The following RPL32 variants were observed in gnomAD, a reference collection of about 807,000 sequenced individuals.
RPL32 encodes ribosomal protein L32.
For missense variants in RPL32, 117 were observed against 173.7 expected (o/e 0.67, Z 1.83); for synonymous variants, 61 against 62.6 (o/e 0.98, Z 0.12).
chr3:12,838,041 C>T (rs952643017), intron 3 of RPL32, among the ~76,000 whole-genome samples: 14 of 152,236 alleles, frequency 9.2e-5, no homozygotes, highest in African/African-American at 1.2e-4. Flanking sequence ...TTTGGGGCTG[C>T]GGTGTGCCAT....
chr3:12,840,495 G>A (rs894156698), intron 1 of RPL32: 4 of 625,416 alleles, frequency 6.4e-6, no homozygotes, highest in African/African-American at 1.8e-5. Context: ...GCCAACAGCT[G>A]AGCAAATCAA....
rs528758763 is a variant in RPL32, at chr3:12,835,536, G to A, written c.*558C>T. 6.4e-6 allele frequency: 1 copy of A among 156,374 alleles called. No homozygotes were observed. Among genetic ancestry groups the A allele is most frequent in the South Asian group, 1.9e-4 (1 of 5,136 alleles). The allele number at this position is 156,374 out of a possible 1,614,324, so 9.7% of individuals were successfully genotyped here. A position where few individuals can be genotyped will look rare whatever the true frequency, so the allele number is the denominator to read the frequency against. ...ACCTGAAGCAGCAGCTGGTGGGAGG[G>A]TTATAGGAGACTGAAAGTGCTTTTC... is the stretch of plus-strand genomic sequence containing the variant. On this transcript the variant is annotated 3_prime_UTR_variant, in exon 4 of 4. Transcript: ENST00000429711.
At chr3:12,840,054 T>C in intron 2 of RPL32, 88 bp downstream of exon 2, 1 of 1,082,390 alleles carries the variant, frequency 9.2e-7, no homozygotes, top group African/African-American at 1.6e-5. Flanking sequence ...AGTTCATCGG[T>C]CAAAGATAAT....
chr3:12,836,272 T>G, intron 3 of RPL32, 49 bp from the exon 4 acceptor site: 1 of 1,598,230 alleles, frequency 6.3e-7, no homozygotes, highest in Non-Finnish European at 8.5e-7. Context: ...TCAACACACT[T>G]GGAAAATTCC....
chr3:12,837,777 T>TA (rs2062110675), intron 3 of RPL32, among the ~76,000 whole-genome samples: 1 of 152,258 alleles, frequency 6.6e-6, no homozygotes. Context: ...CTTTCTAGTT[T>TA]ACTTAGGAAA....
rs1311182295 is a variant in RPL32 at position 12,839,173 on chromosome 3, G to A, written c.278+176C>T. On this transcript the variant is annotated intron_variant, in intron 3 of 3. Coordinates refer to ENST00000429711, the MANE Select transcript of RPL32 (RefSeq NM_000994.4). ...CCTCCTTCAGCAAAGGAAACACCTTGAATTCCCCAACAAGCATTCTCTAAA... is the reference window on the plus strand; with the variant it reads ...CCTCCTTCAGCAAAGGAAACACCTTAAATTCCCCAACAAGCATTCTCTAAA... 7.8e-6 allele frequency: 5 copies of A among 642,704 alleles called. No homozygotes were observed. In the Admixed American group the frequency reaches 1.2e-4, roughly 15 times the overall value. The allele number at this position is 642,704 out of a possible 1,614,324, so 39.8% of individuals were successfully genotyped here. A position where few individuals can be genotyped will look rare whatever the true frequency, so the allele number is the denominator to read the frequency against.
At chr3:12,839,619 G>T in intron 2 of RPL32, 89 bp from the exon 3 acceptor site, 1 of 1,272,728 alleles carries the variant, frequency 7.9e-7, no homozygotes, top group Non-Finnish European at 1.2e-6. Context: ...CAAATGAAAA[G>T]GAAGTATGCC....
chr3:12,838,299 G>C (rs992864627), intron 3 of RPL32, among the ~76,000 whole-genome samples: 1 of 152,208 alleles, frequency 6.6e-6, no homozygotes, highest in Non-Finnish European at 1.5e-5. Context: ...CCCAGCTCTT[G>C]GGAGGGTGAG....
At chr3:12,841,026 C>T (rs2062147810) in intron 1 of RPL32, 1 of 154,198 alleles carries the variant, frequency 6.5e-6, no homozygotes, top group Non-Finnish European at 1.4e-5. Context: ...CTGCCTGCAG[C>T]TGGACCAGCC....
At position 12,840,302 on chromosome 3, in the gene RPL32, A is replaced by T. The variant is rs1485686093; in HGVS notation, c.-5-60T>A. 2.5e-6 allele frequency: 3 copies of T among 1,222,270 alleles called. No individual in the cohort carries two copies. In the African/African-American group the frequency reaches 4.5e-5, roughly 18 times the overall value. The allele number at this position is 1,222,270 out of a possible 1,614,324, so 75.7% of individuals were successfully genotyped here. A position where few individuals can be genotyped will look rare whatever the true frequency, so the allele number is the denominator to read the frequency against. The stretch of plus-strand genomic sequence containing the variant: ...ATCCTGGAAGGAGGCTTTCCTGCCC[A>T]GGGACTGAACACTGTCGCAGAGTGT... On this transcript the variant is annotated intron_variant, in intron 1 of 3. Transcript: ENST00000429711.
At chr3:12,837,050 G>C (rs916329982) in intron 3 of RPL32, among the ~76,000 whole-genome samples, 6 of 152,142 alleles carry the variant, frequency 3.9e-5, no homozygotes, top group Admixed American at 2.0e-4. Flanking sequence ...CAAATTCAAA[G>C]CAATTGTATT....
At chr3:12,839,654 G>A in intron 2 of RPL32, 124 bp from the exon 3 acceptor site, 1 of 957,326 alleles carries the variant, frequency 1.0e-6, no homozygotes, top group Non-Finnish European at 1.7e-6. Flanking sequence ...TTTGGTAACA[G>A]GACTTCACTA....
rs1198876201 is a variant in RPL32 at position 12,835,712 on chromosome 3, C to A, written c.*382G>T. ...TCCATGCATATTTTCTCAATTCTCA[C>A]AAGCATCACATGGAATAACTTGTCA... On this transcript the variant is annotated 3_prime_UTR_variant, in exon 4 of 4. Coordinates refer to ENST00000429711, the MANE Select transcript of RPL32 (RefSeq NM_000994.4). 1 of 176,046 alleles carries A rather than the reference C, an allele frequency of 5.7e-6. No individual in the cohort carries two copies. Among genetic ancestry groups the A allele is most frequent in the East Asian group, 1.5e-4 (1 of 6,486 alleles). The allele number at this position is 176,046 out of a possible 1,614,324, so 10.9% of individuals were successfully genotyped here. A position where few individuals can be genotyped will look rare whatever the true frequency, so the allele number is the denominator to read the frequency against.
At chr3:12,836,703 AC>A (rs1269684030) in intron 3 of RPL32, among the ~76,000 whole-genome samples, 1 of 152,238 alleles carries the variant, frequency 6.6e-6, no homozygotes, top group Non-Finnish European at 1.5e-5. Context: ...TTGAGAAGCA[AC>A]AATGCTTAAA....
intron 3 of RPL32, among the ~76,000 whole-genome samples, chr3:12,837,433 T>C (rs905776942): frequency 1.3e-5 from 2 of 152,262 alleles, no homozygotes; most frequent in Non-Finnish European, 2.9e-5. Context: ...TCTTAAAGAC[T>C]GCCAAGCTGC....
rs762324137 is a variant in RPL32, at chr3:12,836,088, A to C, written c.*6T>G. On this transcript the variant is annotated 3_prime_UTR_variant, in exon 4 of 4. Transcript: ENST00000429711. ...TATTTAAACAGAAAACGTGCACATGAGCTGCCTACTCATTTTCTTCACTGC... is the reference window on the plus strand; with the variant it reads ...TATTTAAACAGAAAACGTGCACATGCGCTGCCTACTCATTTTCTTCACTGC... 3 of 1,611,004 alleles carry C rather than the reference A, an allele frequency of 1.9e-6. No individual in the cohort carries two copies. Among genetic ancestry groups the C allele is most frequent in the Non-Finnish European group, 1.7e-6 (2 of 1,180,016 alleles).
chr3:12,838,928 G>T, intron 3 of RPL32: 1 of 255,266 alleles, frequency 3.9e-6, no homozygotes, highest in Non-Finnish European at 7.6e-6. Context: ...GGTCTCCCAA[G>T]GGCTGTGTCA....
intron 1 of RPL32, chr3:12,840,720 G>C (rs115933783): frequency 1.2e-5 from 4 of 337,758 alleles, no homozygotes; most frequent in South Asian, 9.1e-5. Context: ...TAATTCCCTA[G>C]GGAGCTGCTG....
chr3:12,840,065 C>T lies in RPL32; in HGVS notation c.96+77G>A, dbSNP rs542174389. On this transcript the variant is annotated intron_variant, in intron 2 of 3. Coordinates refer to ENST00000429711, the MANE Select transcript of RPL32 (RefSeq NM_000994.4). ...AGCCAGTTCATCGGTCAAAGATAAT[C>T]CTGACTAGGTGATGTCAGAAACTGT... 3.5e-6 allele frequency: 4 copies of T among 1,155,688 alleles called. No homozygotes were observed. The Admixed American group carries it at 5.1e-5, about 15-fold the overall frequency. The allele number at this position is 1,155,688 out of a possible 1,614,324, so 71.6% of individuals were successfully genotyped here.
Sources: gnomAD v4.1 joint callset for allele counts (sites outside exome capture counted in the v4.1 genomes callset) on GRCh38, gnomAD v4.1.1 for gene constraint, MANE v1.5 for transcripts, NCBI Gene and HGNC (gene_info 2026-07-23, HGNC 2026-07-21) for gene names.